The following CHST8 variants were observed in gnomAD, a reference collection of about 807,000 sequenced individuals.
The protein encoded by CHST8 is GALNAC-4-ST1.
In CHST8, 10 loss-of-function variants were observed where a neutral mutation model predicts 15.0. The ratio of observed to expected loss-of-function variants is 0.67; its 90% CI spans 0.41 to 1.13. The LOEUF (loss-of-function observed/expected upper bound fraction) is 1.13, where lower values mean the gene tolerates loss of function less well. Among genes scored for constraint, CHST8 ranks in the 50% most tolerant of loss-of-function variants. The pLI is 0.00. For synonymous variants in CHST8, 259 were observed against 256.6 expected (o/e 1.01, Z -0.09); for missense variants, 634 against 608.2 (o/e 1.04, Z -0.45).
At position 33,772,195 on chromosome 19, in the gene CHST8, G is replaced by C. The variant is rs1451188666; in HGVS notation, c.407G>C (p.Arg136Pro). The change falls in exon 5 of 5, where the codon CGG (arginine) becomes CCG (proline). Residue 136 changes from arginine to proline, a missense_variant. By Grantham distance (103) the Arg-to-Pro change is moderately radical (BLOSUM62 -2). Transcript: ENST00000650847. ...AACAGCTCGGACGCGCCCTTCATCC[G>C]GCCGGGACCCGGGACGCTGGATGGC... ...PANSSDAPFI[R>P]PGPGTLDGRW... The C allele has an allele frequency of 6.3e-7, 1 of 1,595,332 alleles. No homozygotes were observed. Among genetic ancestry groups the C allele is most frequent in the Admixed American group, 1.7e-5 (1 of 57,802 alleles).
At chr19:33,741,309 G>A (rs1974188184) in intron 3 of CHST8, among the ~76,000 whole-genome samples, 1 of 152,254 alleles carries the variant, frequency 6.6e-6, no homozygotes, top group Admixed American at 6.5e-5. Context: ...CTGGAAAGCA[G>A]ACTGAGGCAG....
At chr19:33,643,959 G>GTCTC (rs1006693676) in intron 1 of CHST8, among the ~76,000 whole-genome samples, 38 of 152,136 alleles carry the variant, frequency 2.5e-4, no homozygotes, top group African/African-American at 9.2e-4. Context: ...TTGAAACGGA[G>GTCTC]TCTCGCTCTG....
intron 3 of CHST8, among the ~76,000 whole-genome samples, chr19:33,700,375 C>T (rs773986900): frequency 6.6e-6 from 1 of 152,176 alleles, no homozygotes; most frequent in Non-Finnish European, 1.5e-5. Flanking sequence ...CTCTCAGAAC[C>T]CAGTGTTTCT....
chr19:33,695,178 C>T (rs1973187153), intron 3 of CHST8, among the ~76,000 whole-genome samples: 1 of 152,004 alleles, frequency 6.6e-6, no homozygotes, highest in Admixed American at 6.6e-5. Flanking sequence ...AACTCCTGGG[C>T]TCAAGTGATC....
At chr19:33,625,005 G>A (rs562643267) in intron 1 of CHST8, among the ~76,000 whole-genome samples, 11 of 152,252 alleles carry the variant, frequency 7.2e-5, no homozygotes, top group East Asian at 1.9e-4. Flanking sequence ...CTGGTGCGTG[G>A]CAGCCACACT....
In CHST8 at chr19:33,623,355, C is replaced by G. The variant is rs575816012; in HGVS notation, c.-164+1059C>G. Among the ~76,000 whole-genome samples, 24 of 152,262 alleles carry G rather than the reference C, an allele frequency of 1.6e-4. No homozygotes were observed. In the South Asian group the frequency reaches 3.9e-3, roughly 25 times the overall value. The stretch of plus-strand genomic sequence containing the variant: ...GGGCCACTCCCGCTGGCTCAGGAGC[C>G]GTGATCAGCTCCGTTAAGGGGAACG... On this transcript the variant is annotated intron_variant, in intron 1 of 4. Coordinates refer to ENST00000650847, the MANE Select transcript of CHST8 (RefSeq NM_001127895.2).
intron 3 of CHST8, among the ~76,000 whole-genome samples, chr19:33,752,289 C>T (rs998684096): frequency 2.0e-5 from 3 of 152,202 alleles, no homozygotes; most frequent in African/African-American, 7.2e-5. Context: ...GCTCATTACT[C>T]GACCCACGCG....
intron 3 of CHST8, among the ~76,000 whole-genome samples, chr19:33,763,435 A>G: frequency 6.6e-6 from 1 of 151,954 alleles, no homozygotes; most frequent in Admixed American, 6.6e-5. Context: ...CGAAGTCCAC[A>G]CTCTGACCAC....
intron 3 of CHST8, among the ~76,000 whole-genome samples, chr19:33,733,732 A>G (rs1201140667): frequency 6.6e-6 from 1 of 152,186 alleles, no homozygotes; most frequent in Non-Finnish European, 1.5e-5. Flanking sequence ...GGTGTAACAG[A>G]TAGATTATTG....
chr19:33,666,348 C>T (rs1313876034), intron 1 of CHST8, among the ~76,000 whole-genome samples: 2 of 152,222 alleles, frequency 1.3e-5, no homozygotes, highest in Non-Finnish European at 2.9e-5. Flanking sequence ...CACTAGCAGA[C>T]AAGGACTCCG....
Position 33,689,294 on chromosome 19 carries a change from C to T in CHST8, c.33C>T (p.Ala11=). 2 of 1,608,334 alleles carry T rather than the reference C, an allele frequency of 1.2e-6. No homozygotes were observed. The highest frequency in any genetic ancestry group is 1.1e-5 in the South Asian group (1 of 90,224). Residue 11 remains alanine (A), a synonymous_variant, in exon 3 of 5, where the codon GCC becomes GCT. Transcript: ENST00000650847. ...TGCGACCTGGAACAATGCGGCTGGC[C>T]TGCATGTTCTCTTCCATCCTGCTGT... MTLRPGTMRL[A]CMFSSILLFG...
chr19:33,772,607 G>A lies in CHST8; in HGVS notation c.819G>A (p.Glu273=). 3 of 1,614,024 alleles carry A rather than the reference G, an allele frequency of 1.9e-6. No individual in the cohort carries two copies. Among genetic ancestry groups the A allele is most frequent in the Non-Finnish European group, 2.5e-6 (3 of 1,180,036 alleles). ...RLVSAFRDKF[E]HPNSYYHPVF... ...TGTCCGCCTTCCGCGACAAGTTTGA[G>A]CACCCCAACAGCTACTATCACCCGG... The change falls in exon 5 of 5, where the codon GAG becomes GAA. Residue 273 remains glutamate, a synonymous_variant. Coordinates refer to ENST00000650847, the MANE Select transcript of CHST8 (RefSeq NM_001127895.2).
At chr19:33,699,863 G>A (rs1429960478) in intron 3 of CHST8, among the ~76,000 whole-genome samples, 1 of 152,172 alleles carries the variant, frequency 6.6e-6, no homozygotes, top group African/African-American at 2.4e-5. Flanking sequence ...TCCCCCTGGA[G>A]CTCTGAGACA....
intron 1 of CHST8, among the ~76,000 whole-genome samples, chr19:33,633,029 C>G (rs951232833): frequency 2.0e-5 from 3 of 151,968 alleles, no homozygotes; most frequent in Non-Finnish European, 4.4e-5. Context: ...CGGGGTTTCA[C>G]CATGTTGGCC....
intron 3 of CHST8, among the ~76,000 whole-genome samples, chr19:33,724,414 AC>A (rs1299061811): frequency 6.6e-6 from 1 of 152,006 alleles, no homozygotes; most frequent in African/African-American, 2.4e-5. Context: ...AGATGAGGAT[AC>A]CCCCGGCCCC....
chr19:33,650,518 C>T (rs28846187), intron 1 of CHST8, among the ~76,000 whole-genome samples: 714 of 35,738 alleles, frequency 0.02, 13 homozygotes, highest in African/African-American at 0.03. Flanking sequence ...TTTTTCTTTT[C>T]TTTTTTTTTT....
intron 3 of CHST8, among the ~76,000 whole-genome samples, chr19:33,744,125 C>T (rs62103472): frequency 6.6e-6 from 1 of 152,180 alleles, no homozygotes; most frequent in Non-Finnish European, 1.5e-5. Context: ...ACACCCTGCC[C>T]CAGCGTCAAG....
At chr19:33,624,379 G>T (rs1344739585) in intron 1 of CHST8, among the ~76,000 whole-genome samples, 1 of 152,200 alleles carries the variant, frequency 6.6e-6, no homozygotes. Flanking sequence ...ACCGACGACA[G>T]AGGATGCTTT....
chr19:33,747,983 A>G (rs1242638742), intron 3 of CHST8, among the ~76,000 whole-genome samples: 2 of 152,128 alleles, frequency 1.3e-5, no homozygotes, highest in African/African-American at 4.8e-5. Flanking sequence ...GAGAAGGAAC[A>G]TGGCCTGGGG....
Sources: allele counts gnomAD v4.1 joint callset (sites outside exome capture counted in the v4.1 genomes callset), GRCh38; gene constraint gnomAD v4.1.1; transcripts MANE v1.5; gene names NCBI Gene and HGNC (gene_info 2026-07-23, HGNC 2026-07-21).